Variants in CDKAL1 observed in about 807,000 individuals in gnomAD.
CDKAL1 encodes CDKAL1 threonylcarbamoyladenosine tRNA methylthiotransferase.
Under a neutral mutation model 68.2 loss-of-function variants are expected in CDKAL1, and 32 were observed. The observed-to-expected ratio is 0.47, with a 90% CI of 0.35 to 0.63. CDKAL1 has a LOEUF of 0.63. Among genes scored for constraint, CDKAL1 ranks in the 30% least tolerant of loss-of-function variants. The pLI is 0.00. For synonymous variants in CDKAL1, 234 were observed against 244.3 expected, an observed-to-expected ratio of 0.96 and a Z score of 0.39; for missense variants, 606 against 696.7, an observed-to-expected ratio of 0.87 and a Z score of 1.47.
intron 4 of CDKAL1, chr6:20,558,919 G>A (rs1167903339): frequency 3.6e-5 from 9 of 252,838 alleles, no homozygotes; most frequent in African/African-American, 9.0e-5. Context: ...GTGAGCCACC[G>A]TGGCTGGCCC....
chr6:20,550,168 G>A (rs530074341), intron 4 of CDKAL1, among the ~76,000 whole-genome samples: 26 of 151,782 alleles, frequency 1.7e-4, no homozygotes, highest in Admixed American at 1.1e-3. Context: ...TTTAGAGATG[G>A]GGTTTCGCCA....
intron 9 of CDKAL1, among the ~76,000 whole-genome samples, chr6:20,915,510 A>G (rs1762683276): frequency 6.6e-6 from 1 of 152,188 alleles, no homozygotes. Flanking sequence ...AGGCCCACCC[A>G]CATTTTGGGG....
chr6:21,110,699 C>T (rs542074804), intron 13 of CDKAL1, among the ~76,000 whole-genome samples: 9 of 152,140 alleles, frequency 5.9e-5, no homozygotes, highest in Non-Finnish European at 1.0e-4. Context: ...TGGCTTATGC[C>T]GGTAATCCCA....
intron 8 of CDKAL1, among the ~76,000 whole-genome samples, chr6:20,835,986 C>G (rs1385442464): frequency 6.6e-6 from 1 of 152,120 alleles, no homozygotes; most frequent in Non-Finnish European, 1.5e-5. Context: ...ACATGAGCAA[C>G]TACCCTTTCT....
chr6:20,899,573 G>T (rs1277048097), intron 9 of CDKAL1, among the ~76,000 whole-genome samples: 1 of 152,124 alleles, frequency 6.6e-6, no homozygotes, highest in Non-Finnish European at 1.5e-5. Flanking sequence ...GTTGGGTGTG[G>T]TGGCTCACGC....
Position 20,656,575 on chromosome 6 carries a change from C to G in CDKAL1, c.371+7198C>G, listed in dbSNP as rs146654410. 4.8e-3 allele frequency among the ~76,000 whole-genome samples: 737 copies of G among 152,066 alleles called. 3 individuals are homozygous for G. Among genetic ancestry groups the G allele is most frequent in the African/African-American group, 0.017 (691 of 41,466 alleles). ...AAGATACAAAGATACTTTACTGCTA[C>G]TGATACCCCCTATGTACTGAACCTA... On this transcript the variant is annotated intron_variant, in intron 5 of 15. Coordinates refer to ENST00000274695, the MANE Select transcript of CDKAL1 (RefSeq NM_017774.3).
chr6:20,940,483 AG>A (rs1442247952), intron 9 of CDKAL1, among the ~76,000 whole-genome samples: 1 of 152,214 alleles, frequency 6.6e-6, no homozygotes, highest in Non-Finnish European at 1.5e-5. Context: ...AAAAAGATAC[AG>A]GTTAAGTATA....
chr6:20,993,317 GT>G lies in CDKAL1; in HGVS notation c.910-6900del, dbSNP rs112004005. Among the ~76,000 whole-genome samples, 347 of 149,814 alleles carry G rather than the reference GT, an allele frequency of 2.3e-3. 4 individuals are homozygous for G. Among genetic ancestry groups the G allele is most frequent in the African/African-American group, 6.3e-3 (259 of 40,894 alleles). ...TGGTATAGTTTGTCTTTTTTTGGAG[GT>G]TTTTTTTTTCTTTAGCATTTAACTT... On this transcript the variant is annotated intron_variant, in intron 10 of 15. Transcript: ENST00000274695.
At chr6:20,690,331 A>T (rs1770815000) in intron 5 of CDKAL1, among the ~76,000 whole-genome samples, 1 of 152,228 alleles carries the variant, frequency 6.6e-6, no homozygotes, top group African/African-American at 2.4e-5. Context: ...ATAAATGAAC[A>T]TCTTTGGGTG....
intron 9 of CDKAL1, among the ~76,000 whole-genome samples, chr6:20,867,932 G>T (rs985825615): frequency 6.6e-6 from 1 of 152,142 alleles, no homozygotes; most frequent in Non-Finnish European, 1.5e-5. Flanking sequence ...AATGGCCAAA[G>T]TACGTATTCC....
At chr6:21,028,213 A>C (rs1306089751) in intron 11 of CDKAL1, among the ~76,000 whole-genome samples, 1 of 152,062 alleles carries the variant, frequency 6.6e-6, no homozygotes, top group Non-Finnish European at 1.5e-5. Flanking sequence ...ACTCTGGCTC[A>C]CCTCCTGCAT....
intron 8 of CDKAL1, among the ~76,000 whole-genome samples, chr6:20,819,851 T>G (rs1027424667): frequency 3.9e-5 from 6 of 152,126 alleles, no homozygotes; most frequent in Admixed American, 3.9e-4. Context: ...TTTATTATTT[T>G]TATTAAATAT....
intron 10 of CDKAL1, among the ~76,000 whole-genome samples, chr6:20,976,029 T>C (rs1326116520): frequency 6.6e-6 from 1 of 152,152 alleles, no homozygotes; most frequent in East Asian, 1.9e-4. Flanking sequence ...ATTCCACCTA[T>C]TTACCCCTCC....
chr6:20,647,044 C>T lies in CDKAL1; in HGVS notation c.287-2249C>T, dbSNP rs375827707. ...ACAGGCGTGAGCACCTGCACCCGGC[C>T]CTTATTTATTTGTTTTGAAATAAAC... On this transcript the variant is annotated intron_variant, in intron 4 of 15. Transcript: ENST00000274695. Among the ~76,000 whole-genome samples, 8 of 152,256 alleles carry T rather than the reference C, an allele frequency of 5.3e-5. No homozygotes were observed. The East Asian group carries it at 1.2e-3, about 22-fold the overall frequency.
intron 9 of CDKAL1, among the ~76,000 whole-genome samples, chr6:20,879,081 TA>T (rs933814828): frequency 9.6e-5 from 14 of 146,098 alleles, no homozygotes; most frequent in Middle Eastern, 3.3e-3. Flanking sequence ...TCTATCTCAT[TA>T]AAAAAAAAAG....
chr6:20,908,103 T>C (rs68087994), intron 9 of CDKAL1, among the ~76,000 whole-genome samples: 19,614 of 152,234 alleles, frequency 0.13, 1,565 homozygotes, highest in African/African-American at 0.22. Context: ...AAGGGCCTTC[T>C]GGGAACTCCA....
Position 20,765,433 on chromosome 6 carries a change from G to GTTT in CDKAL1, c.517+6790_517+6791insTTT, listed in dbSNP as rs1774656429. ...GGCCTCCCAAAGTGCTGGGATTACAGGCGTGAGCCACCGCGCCCGGCCGGT... is the reference window on the plus strand; with the variant it reads ...GGCCTCCCAAAGTGCTGGGATTACAGTTTGCGTGAGCCACCGCGCCCGGCCGGT... On this transcript the variant is annotated intron_variant, in intron 7 of 15. Coordinates refer to ENST00000274695, the MANE Select transcript of CDKAL1 (RefSeq NM_017774.3). Among the ~76,000 whole-genome samples, 2 of 150,212 alleles carry GTTT rather than the reference G, an allele frequency of 1.3e-5. 1 individual carries two copies. The highest frequency in any genetic ancestry group is 1.3e-4 in the Admixed American group (2 of 15,056).
At chr6:20,827,860 T>A (rs879076286) in intron 8 of CDKAL1, among the ~76,000 whole-genome samples, 1 of 152,150 alleles carries the variant, frequency 6.6e-6, no homozygotes, top group Non-Finnish European at 1.5e-5. Flanking sequence ...GTTTTTTTTT[T>A]AATTGGGAAC....
chr6:20,953,332 A>G (rs1764627937), intron 9 of CDKAL1, among the ~76,000 whole-genome samples: 1 of 152,198 alleles, frequency 6.6e-6, no homozygotes, highest in Admixed American at 6.5e-5. Flanking sequence ...TCATCTAGCA[A>G]CAGCAAGGCA....
Sources: allele counts gnomAD v4.1 joint callset (sites outside exome capture counted in the v4.1 genomes callset), GRCh38; gene constraint gnomAD v4.1.1; transcripts MANE v1.5; gene names NCBI Gene and HGNC (gene_info 2026-07-23, HGNC 2026-07-21).